The following LCLAT1 variants were observed in gnomAD, a reference collection of about 807,000 sequenced individuals.
LCLAT1 encodes lysocardiolipin acyltransferase 1, also known as 1-AGP acyltransferase 8.
In LCLAT1, 11 loss-of-function variants were observed where a neutral mutation model predicts 30.7. The observed-to-expected ratio is 0.36, with a 90% CI of 0.23 to 0.59. LCLAT1 has a LOEUF of 0.59. Among genes scored for constraint, LCLAT1 ranks in the 20% least tolerant of loss-of-function variants. The pLI is 0.77. For missense variants in LCLAT1, 402 were observed against 458.6 expected (o/e 0.88, Z 1.13); for synonymous variants, 155 against 151.3 (o/e 1.02, Z -0.18).
In LCLAT1 at chr2:30,532,621, A is replaced by G. The variant is rs563266508; in HGVS notation, c.166-495A>G. 7.2e-5 allele frequency among the ~76,000 whole-genome samples: 11 copies of G among 152,202 alleles called. No homozygotes were observed. The East Asian group carries it at 1.2e-3, about 16-fold the overall frequency. On this transcript the variant is annotated intron_variant, in intron 2 of 5. Coordinates refer to ENST00000379509, the MANE Select transcript of LCLAT1 (RefSeq NM_001002257.3). Reference sequence around the variant, plus strand: ...TAGTATTTTAGTAGATGTATAGTTAATTTATTCTTTACATAGTGTCAAAAT... The same window carrying G: ...TAGTATTTTAGTAGATGTATAGTTAGTTTATTCTTTACATAGTGTCAAAAT...
At chr2:30,449,386 C>G (rs1472487440) in intron 1 of LCLAT1, among the ~76,000 whole-genome samples, 1 of 152,084 alleles carries the variant, frequency 6.6e-6, no homozygotes, top group African/African-American at 2.4e-5. Flanking sequence ...CCATTGGCGT[C>G]CAATAGTGAT....
chr2:30,499,099 C>CTT (rs1684245181), intron 1 of LCLAT1, among the ~76,000 whole-genome samples: 1 of 152,124 alleles, frequency 6.6e-6, no homozygotes, highest in African/African-American at 2.4e-5. Flanking sequence ...GGATGATATT[C>CTT]TTTAACACCT....
intron 3 of LCLAT1, among the ~76,000 whole-genome samples, chr2:30,542,089 A>C (rs747453050): frequency 1.3e-5 from 2 of 152,104 alleles, no homozygotes; most frequent in Non-Finnish European, 2.9e-5. Context: ...CTGTTGCTCT[A>C]TAAGAGTTCT....
chr2:30,570,731 G>A (rs1181630416), intron 5 of LCLAT1, among the ~76,000 whole-genome samples: 1 of 152,138 alleles, frequency 6.6e-6, no homozygotes, highest in Non-Finnish European at 1.5e-5. Context: ...GAGTTAAATA[G>A]GAAAAGAATT....
intron 3 of LCLAT1, among the ~76,000 whole-genome samples, chr2:30,548,942 T>A (rs1664553493): frequency 6.6e-6 from 1 of 152,122 alleles, no homozygotes; most frequent in South Asian, 2.1e-4. Flanking sequence ...AGATAAAAAA[T>A]TAGAGCTTAG....
chr2:30,609,150 A>G (rs1667613885), intron 5 of LCLAT1, among the ~76,000 whole-genome samples: 1 of 151,120 alleles, frequency 6.6e-6, no homozygotes, highest in African/African-American at 2.5e-5. Context: ...GTTAATTCGC[A>G]CTAGTTCTTA....
At chr2:30,585,144 A>G (rs1666376513) in intron 5 of LCLAT1, among the ~76,000 whole-genome samples, 2 of 152,020 alleles carry the variant, frequency 1.3e-5, no homozygotes, top group Non-Finnish European at 1.5e-5. Flanking sequence ...TATTGCCTTC[A>G]TTAAAACATA....
At chr2:30,552,760 T>A (rs1558514549) in intron 3 of LCLAT1, 1 of 215,038 alleles carries the variant, frequency 4.7e-6, no homozygotes, top group East Asian at 1.1e-4. Flanking sequence ...ACTCCCTGAT[T>A]TATTTGTATA....
At chr2:30,502,078 A>G in intron 1 of LCLAT1, among the ~76,000 whole-genome samples, 1 of 152,204 alleles carries the variant, frequency 6.6e-6, no homozygotes, top group Non-Finnish European at 1.5e-5. Flanking sequence ...TTTGGAAAAT[A>G]AAAGTTAGGG....
At chr2:30,574,867 G>A (rs1229956654) in intron 5 of LCLAT1, among the ~76,000 whole-genome samples, 1 of 152,220 alleles carries the variant, frequency 6.6e-6, no homozygotes, top group Non-Finnish European at 1.5e-5. Flanking sequence ...TTTCACACAT[G>A]AATGGAAGGC....
intron 1 of LCLAT1, among the ~76,000 whole-genome samples, chr2:30,471,976 T>G (rs1682818202): frequency 6.6e-6 from 1 of 152,220 alleles, no homozygotes; most frequent in South Asian, 2.1e-4. Context: ...ACTTTATCCC[T>G]GAGCATGAAA....
intron 5 of LCLAT1, among the ~76,000 whole-genome samples, chr2:30,598,973 T>C (rs2148488057): frequency 6.9e-6 from 1 of 145,762 alleles, no homozygotes; most frequent in African/African-American, 2.5e-5. Context: ...TGAGTTTCTT[T>C]TTTTTTTTCT....
At chr2:30,534,696 T>C (rs1686156920) in intron 3 of LCLAT1, among the ~76,000 whole-genome samples, 1 of 152,174 alleles carries the variant, frequency 6.6e-6, no homozygotes, top group Non-Finnish European at 1.5e-5. Context: ...ACACTTTCAC[T>C]TGAGAACCAG....
At chr2:30,633,058 C>G (rs1008660443) in intron 5 of LCLAT1, among the ~76,000 whole-genome samples, 13 of 152,336 alleles carry the variant, frequency 8.5e-5, no homozygotes, top group Admixed American at 6.5e-5. Context: ...CCATTCAAGA[C>G]TGTTCTTCAA....
chr2:30,559,322 C>T (rs1193476747), intron 3 of LCLAT1, among the ~76,000 whole-genome samples: 1 of 152,026 alleles, frequency 6.6e-6, no homozygotes, highest in Non-Finnish European at 1.5e-5. Context: ...ACTTACTGTC[C>T]GCACACTTCA....
At chr2:30,511,452 G>A (rs1168092476) in intron 1 of LCLAT1, among the ~76,000 whole-genome samples, 1 of 152,172 alleles carries the variant, frequency 6.6e-6, no homozygotes, top group Non-Finnish European at 1.5e-5. Context: ...ATATAATTAA[G>A]TTAAAAATTC....
intron 2 of LCLAT1, among the ~76,000 whole-genome samples, chr2:30,532,763 G>C (rs1314551094): frequency 6.6e-6 from 1 of 150,816 alleles, no homozygotes; most frequent in Non-Finnish European, 1.5e-5. Flanking sequence ...TTCTTTGACT[G>C]TTCTTTCTAG....
chr2:30,640,555 T>G lies in LCLAT1; in HGVS notation c.1067T>G (p.Ile356Arg). ...QERIFGGLEIIELACYRLLHK... is the reference protein window; with the variant it reads ...QERIFGGLEIRELACYRLLHK... The stretch of plus-strand genomic sequence containing the variant: ...AGAATATTTGGTGGACTGGAGATCA[T>G]AGAACTTGCATGTTACCGACTTTTA... Residue 356 changes from isoleucine to arginine, a missense_variant, in exon 6 of 6, where the codon ATA (isoleucine) becomes AGA (arginine). Transcript: ENST00000379509. 4 of 1,613,706 alleles carry G rather than the reference T, an allele frequency of 2.5e-6. No individual in the cohort carries two copies. Among genetic ancestry groups the G allele is most frequent in the Non-Finnish European group, 3.4e-6 (4 of 1,179,912 alleles).
At chr2:30,583,099 A>G (rs1290506072) in intron 5 of LCLAT1, among the ~76,000 whole-genome samples, 1 of 152,232 alleles carries the variant, frequency 6.6e-6, no homozygotes, top group African/African-American at 2.4e-5. Flanking sequence ...GTGTTGGCAC[A>G]CAAGTTTAAG....
Sources: allele counts gnomAD v4.1 joint callset (sites outside exome capture counted in the v4.1 genomes callset), GRCh38; gene constraint gnomAD v4.1.1; transcripts MANE v1.5; gene names NCBI Gene and HGNC (gene_info 2026-07-23, HGNC 2026-07-21).